TRPM5: variants seen among roughly 807,000 people sequenced by gnomAD.
TRPM5 encodes the protein MLSN1 and TRP-related.
A neutral mutation model predicts 124.9 loss-of-function variants in TRPM5; 121 were observed. The observed-to-expected ratio is 0.97, with a 90% confidence interval of 0.84 to 1.13. The LOEUF is 1.13. TRPM5 is among the 50% of genes most tolerant of loss of function. The pLI is 0.00. For synonymous variants in TRPM5, 781 were observed against 700.5 expected, an observed-to-expected ratio of 1.11 and a Z score of -1.81; for missense variants, 1,643 against 1,589.1, an observed-to-expected ratio of 1.03 and a Z score of -0.58.
chr11:2,421,871 C>T (rs1160740335), intron 2 of TRPM5, among the ~76,000 whole-genome samples: 3 of 152,148 alleles, frequency 2.0e-5, no homozygotes, highest in Non-Finnish European at 4.4e-5. Flanking sequence ...TGGGGGAGGT[C>T]CTGGTCCAGT....
At chr11:2,425,081 G>T (rs1335667090), upstream of TRPM5, among the ~76,000 whole-genome samples, 2 of 152,222 alleles carry the variant, frequency 1.3e-5, no homozygotes, top group African/African-American at 4.8e-5. Flanking sequence ...GGAGACGCCT[G>T]GTGGTTTTCT....
chr11:2,411,500 G>C, exon 18 of TRPM5: 2 of 1,609,470 alleles, frequency 1.2e-6, no homozygotes, highest in Non-Finnish European at 1.7e-6. Context: ...CGCTCAGAAA[G>C]AAGAGGAAGA....
chr11:2,413,172 C>T (rs192075372), exon 14 of TRPM5: 538 of 1,552,578 alleles, frequency 3.5e-4, no homozygotes, highest in Non-Finnish European at 4.4e-4. Flanking sequence ...TCTCCGTGTC[C>T]AGGCTGTCCA....
At chr11:2,444,067 G>A in the TRPM5 span, among the ~76,000 whole-genome samples, 1 of 151,846 alleles carries the variant, frequency 6.6e-6, no homozygotes, top group Non-Finnish European at 1.5e-5. Context: ...ATGCCCGGCA[G>A]TCAAACCAGG....
the TRPM5 span, among the ~76,000 whole-genome samples, chr11:2,441,213 G>A: frequency 6.6e-6 from 1 of 152,190 alleles, no homozygotes; most frequent in Non-Finnish European, 1.5e-5. The surrounding 1 kb of genome is among the most constrained non-coding windows in gnomAD (Gnocchi z 7.2). Flanking sequence ...TGATAGAGGA[G>A]GGGCTTTCCT....
chr11:2,414,566 C>T (rs1055187408), intron 11 of TRPM5, 149 bp downstream of exon 16: 2 of 1,190,844 alleles, frequency 1.7e-6, no homozygotes, highest in Non-Finnish European at 2.3e-6. Context: ...GCAGAGCCGT[C>T]TGTCCTCTCC....
At chr11:2,436,475 G>A in the TRPM5 span, among the ~76,000 whole-genome samples, 1 of 152,258 alleles carries the variant, frequency 6.6e-6, no homozygotes. Flanking sequence ...GGGAGGGGAG[G>A]GGCTGGCCTG....
rs1431182660 is a variant in TRPM5 at position 2,406,670 on chromosome 11, G to T, written c.3242C>A (p.Thr1081Asn). 6.0e-5 allele frequency: 96 copies of T among 1,610,662 alleles called. No homozygotes were observed. Among genetic ancestry groups the T allele is most frequent in the Non-Finnish European group, 7.9e-5 (93 of 1,178,504 alleles). Reference sequence around the variant, plus strand: ...GGACAGGCCCCCGCACCTGTGGGCGGTTTTCCGCAGCACCTCCCCCTCGCT... The same window carrying T: ...GGACAGGCCCCCGCACCTGTGGGCGTTTTTCCGCAGCACCTCCCCCTCGCT... The change falls in exon 21 of 24, where the codon ACC (threonine) becomes AAC (asparagine). Residue 1081 changes from threonine to asparagine, a missense_variant. Coordinates refer to ENST00000155858, the Ensembl canonical transcript of TRPM5.
At chr11:2,442,374 GAT>G in the TRPM5 span, among the ~76,000 whole-genome samples, 8 of 109,914 alleles carry the variant, frequency 7.3e-5, no homozygotes, top group African/African-American at 2.0e-4. This position sits in a 1 kb window ranked among gnomAD's most constrained non-coding sequence, Gnocchi z 5.9. Context: ...ATCATTCTTT[GAT>G]ACACACACAC....
At chr11:2,439,928 A>G in the TRPM5 span, among the ~76,000 whole-genome samples, 1 of 152,230 alleles carries the variant, frequency 6.6e-6, no homozygotes, top group Non-Finnish European at 1.5e-5. Flanking sequence ...GAATTAACCC[A>G]AGGTGCCCAA....
At chr11:2,430,342 T>C in the TRPM5 span, among the ~76,000 whole-genome samples, 1 of 152,202 alleles carries the variant, frequency 6.6e-6, no homozygotes, top group Non-Finnish European at 1.5e-5. Flanking sequence ...TCCGTCATGA[T>C]TGTAAGTTTG....
At chr11:2,404,605 G>T (rs1400438904) in exon 24 of TRPM5, 4 of 312,102 alleles carry the variant, frequency 1.3e-5, no homozygotes, top group African/African-American at 2.2e-5. Flanking sequence ...CTGGATGGGG[G>T]TGCTCCCCCG....
chr11:2,431,053 G>A, the TRPM5 span, among the ~76,000 whole-genome samples: 6 of 152,076 alleles, frequency 3.9e-5, no homozygotes, highest in South Asian at 6.2e-4. Flanking sequence ...TGGATGGGAA[G>A]GCTCCAGGTA....
At chr11:2,435,917 C>T in the TRPM5 span, among the ~76,000 whole-genome samples, 5,985 of 152,254 alleles carry the variant, frequency 0.039, 234 homozygotes, top group African/African-American at 0.095. This position sits in a 1 kb window ranked among gnomAD's most constrained non-coding sequence, Gnocchi z 4.1. Context: ...CTCAGGATGC[C>T]CACACTCTGG....
At chr11:2,431,285 C>T in the TRPM5 span, among the ~76,000 whole-genome samples, 3 of 152,162 alleles carry the variant, frequency 2.0e-5, no homozygotes, top group East Asian at 1.9e-4. Context: ...GTTCTGAGAG[C>T]GAGGGGCCTA....
upstream of TRPM5, among the ~76,000 whole-genome samples, chr11:2,425,583 C>A (rs976650882): frequency 9.3e-5 from 14 of 150,218 alleles, no homozygotes; most frequent in Non-Finnish European, 1.6e-4. Flanking sequence ...CCACTTAATG[C>A]AGAACAGGCA....
exon 9 of TRPM5, chr11:2,415,416 A>G: frequency 1.9e-6 from 3 of 1,593,770 alleles, no homozygotes; most frequent in South Asian, 1.1e-5. Flanking sequence ...GAGGCGCACA[A>G]ACTCGGGCTT....
At chr11:2,414,719 G>T in exon 11 of TRPM5, 1 of 1,538,396 alleles carries the variant, frequency 6.5e-7, no homozygotes. Context: ...ACTCACCAAG[G>T]GCCAGCCGCT....
At chr11:2,423,236 C>A (rs544142901), upstream of TRPM5, among the ~76,000 whole-genome samples, 2 of 152,304 alleles carry the variant, frequency 1.3e-5, no homozygotes, top group East Asian at 3.9e-4. Flanking sequence ...GCCCAGCGAC[C>A]CCCTGCAGCT....
Sources: gnomAD v4.1 joint callset for allele counts (sites outside exome capture counted in the v4.1 genomes callset) on GRCh38, gnomAD v4.1.1 for gene constraint, Gnocchi (gnomAD v3.1) non-coding constraint, MANE v1.5 for transcripts, NCBI Gene and HGNC (gene_info 2026-07-23, HGNC 2026-07-21) for gene names.